The following LMBR1 variants were observed in gnomAD, a reference collection of about 807,000 sequenced individuals.
LMBR1 encodes the protein limb region 1 protein homolog.
LMBR1 carries 52 observed loss-of-function variants against 73.9 expected under a neutral mutation model. The ratio of observed to expected loss-of-function variants is 0.70; its 90% CI spans 0.56 to 0.89. The LOEUF (loss-of-function observed/expected upper bound fraction) is 0.89. Ranked by LOEUF, LMBR1 falls within the 40% of genes least tolerant of loss-of-function variation. The pLI is 0.00. For synonymous variants in LMBR1, 215 were observed against 209.4 expected, an observed-to-expected ratio of 1.03 and a Z score of -0.23; for missense variants, 539 against 579.8, an observed-to-expected ratio of 0.93 and a Z score of 0.72.
In LMBR1 at chr7:156,756,358, T is replaced by C. The variant is rs567244630; in HGVS notation, c.757+35A>G. On this transcript the variant is annotated intron_variant, in intron 9 of 16. Transcript: ENST00000353442. ...TATCTTTTTGAAATTAAAAAGATTT[T>C]TTTATCCCCGTCTAAATATGTAATA... The C allele has an allele frequency of 5.0e-6, 5 of 1,003,106 alleles. No homozygotes were observed. The South Asian group carries it at 6.7e-5, about 14-fold the overall frequency. The allele number at this position is 1,003,106 out of a possible 1,614,324, so 62.1% of individuals were successfully genotyped here. A position where few individuals can be genotyped will look rare whatever the true frequency, so the allele number is the denominator to read the frequency against.
chr7:156,780,944 C>T (rs1337350269), intron 5 of LMBR1, among the ~76,000 whole-genome samples: 1 of 152,098 alleles, frequency 6.6e-6, no homozygotes, highest in East Asian at 1.9e-4. Flanking sequence ...ACAAGACAAA[C>T]CTATGATTTT....
At chr7:156,765,079 C>A (rs1193383940) in intron 5 of LMBR1, among the ~76,000 whole-genome samples, 1 of 152,202 alleles carries the variant, frequency 6.6e-6, no homozygotes. Flanking sequence ...CTATTAATCA[C>A]AGGAGATGAA....
chr7:156,829,718 G>A lies in LMBR1; in HGVS notation c.180-2974C>T, dbSNP rs550795324. ...TTCCCAGCAAATGACTGACTCTCCCGTTTCAGAATGAAAAAAGGGGTATGA... is the reference window on the plus strand; with the variant it reads ...TTCCCAGCAAATGACTGACTCTCCCATTTCAGAATGAAAAAAGGGGTATGA... On this transcript the variant is annotated intron_variant, in intron 3 of 16. Coordinates refer to ENST00000353442, the MANE Select transcript of LMBR1 (RefSeq NM_022458.4). Among the ~76,000 whole-genome samples, 19 of 152,198 alleles carry A rather than the reference G, an allele frequency of 1.2e-4. No homozygotes were observed. The East Asian group carries it at 1.9e-3, about 15-fold the overall frequency.
At chr7:156,792,427 C>T (rs1384030940) in intron 5 of LMBR1, among the ~76,000 whole-genome samples, 1 of 152,136 alleles carries the variant, frequency 6.6e-6, no homozygotes, top group Non-Finnish European at 1.5e-5. Context: ...ATTTGGTAAA[C>T]ATTTAACTGC....
intron 7 of LMBR1, among the ~76,000 whole-genome samples, chr7:156,762,799 G>A (rs1823301771): frequency 2.1e-5 from 3 of 139,960 alleles, no homozygotes; most frequent in African/African-American, 7.5e-5. Context: ...GTGTGTCAGT[G>A]TATGTAAGTA....
chr7:156,788,800 C>A (rs1828638883), intron 5 of LMBR1, among the ~76,000 whole-genome samples: 1 of 152,200 alleles, frequency 6.6e-6, no homozygotes, highest in African/African-American at 2.4e-5. Flanking sequence ...GTAATCCCAG[C>A]ACTTTGGGTG....
chr7:156,877,521 C>CA (rs1205881302), intron 1 of LMBR1, among the ~76,000 whole-genome samples: 1 of 152,046 alleles, frequency 6.6e-6, no homozygotes, highest in Non-Finnish European at 1.5e-5. Context: ...TAACCGAATC[C>CA]AAAAACATAT....
intron 5 of LMBR1, among the ~76,000 whole-genome samples, chr7:156,767,207 A>C (rs551966920): frequency 6.6e-6 from 1 of 152,146 alleles, no homozygotes; most frequent in Admixed American, 6.5e-5. Flanking sequence ...TTTAGGAAGC[A>C]GACGGACTCA....
chr7:156,839,237 C>T (rs1466518819), intron 1 of LMBR1, among the ~76,000 whole-genome samples: 1 of 151,720 alleles, frequency 6.6e-6, no homozygotes, highest in Non-Finnish European at 1.5e-5. Flanking sequence ...TTAGTAGAGA[C>T]GGGGTTTCAC....
At chr7:156,873,310 T>G (rs1289538239) in intron 1 of LMBR1, among the ~76,000 whole-genome samples, 4 of 151,778 alleles carry the variant, frequency 2.6e-5, no homozygotes, top group Non-Finnish European at 5.9e-5. Context: ...TTCCTCCCGG[T>G]GGGCTCCTGG....
At chr7:156,841,661 T>C (rs979537940) in intron 1 of LMBR1, among the ~76,000 whole-genome samples, 1 of 152,030 alleles carries the variant, frequency 6.6e-6, no homozygotes, top group African/African-American at 2.4e-5. Flanking sequence ...CCAAGAAAGA[T>C]GAGGACTGGG....
At chr7:156,702,016 T>G (rs962014356) in intron 15 of LMBR1, among the ~76,000 whole-genome samples, 1 of 152,178 alleles carries the variant, frequency 6.6e-6, no homozygotes, top group Non-Finnish European at 1.5e-5. Flanking sequence ...ATTTTCTTTA[T>G]CTAGTCTATC....
At chr7:156,690,214 TTTAA>T (rs1446335955) in intron 15 of LMBR1, among the ~76,000 whole-genome samples, 5 of 152,236 alleles carry the variant, frequency 3.3e-5, no homozygotes, top group Admixed American at 1.3e-4. Context: ...TATATGTGTA[TTTAA>T]TTATTTATAA....
intron 5 of LMBR1, among the ~76,000 whole-genome samples, chr7:156,772,377 A>G (rs1299318668): frequency 1.3e-5 from 2 of 152,212 alleles, no homozygotes; most frequent in Non-Finnish European, 2.9e-5. Flanking sequence ...GCTTTGAAGG[A>G]ACATATGTGA....
chr7:156,721,240 A>C (rs1297390092), intron 15 of LMBR1, among the ~76,000 whole-genome samples: 1 of 152,140 alleles, frequency 6.6e-6, no homozygotes, highest in Non-Finnish European at 1.5e-5. Context: ...AGAAATTATT[A>C]AAAGCATTTC....
chr7:156,787,312 C>T (rs1339154584), intron 5 of LMBR1, among the ~76,000 whole-genome samples: 1 of 152,132 alleles, frequency 6.6e-6, no homozygotes, highest in Non-Finnish European at 1.5e-5. Context: ...TTTTGTTGTT[C>T]CTGTTTGTTG....
chr7:156,814,724 T>A lies in LMBR1; in HGVS notation c.319+11881A>T, dbSNP rs963316620. Among the ~76,000 whole-genome samples, 11 of 152,354 alleles carry A rather than the reference T, an allele frequency of 7.2e-5. No homozygotes were observed. The South Asian group carries it at 2.3e-3, about 32-fold the overall frequency. Reference sequence around the variant, plus strand: ...CAAATACGTGACCTTGAAGAGGGACTGCAACTCTGTCACCCAGTTTCCTCA... The same window carrying A: ...CAAATACGTGACCTTGAAGAGGGACAGCAACTCTGTCACCCAGTTTCCTCA... On this transcript the variant is annotated intron_variant, in intron 4 of 16. Transcript: ENST00000353442.
At chr7:156,690,892 C>T (rs1563141554) in intron 15 of LMBR1, among the ~76,000 whole-genome samples, 1 of 152,108 alleles carries the variant, frequency 6.6e-6, no homozygotes, top group East Asian at 1.9e-4. Flanking sequence ...CTCTAAAATT[C>T]TGCCTGAGAG....
intron 15 of LMBR1, among the ~76,000 whole-genome samples, chr7:156,707,823 C>T (rs768836134): frequency 6.6e-6 from 1 of 152,088 alleles, no homozygotes; most frequent in Non-Finnish European, 1.5e-5. Context: ...AGAGTACTGA[C>T]AGTTCTAGCC....
Sources: gnomAD v4.1 joint callset for allele counts (sites outside exome capture counted in the v4.1 genomes callset) on GRCh38, gnomAD v4.1.1 for gene constraint, MANE v1.5 for transcripts, NCBI Gene and HGNC (gene_info 2026-07-23, HGNC 2026-07-21) for gene names.